LGR6: variants seen among roughly 807,000 people sequenced by gnomAD.
The protein encoded by LGR6 is leucine rich repeat containing G protein-coupled receptor 6.
Under a neutral mutation model 69.4 loss-of-function variants are expected in LGR6, and 45 were observed. The observed-to-expected ratio is 0.65, with a 90% CI of 0.51 to 0.83. LGR6 has a LOEUF of 0.83. Ranked by LOEUF, LGR6 falls within the 40% of genes least tolerant of loss-of-function variation. LGR6 has a pLI of 0.00. For missense variants in LGR6, 1,108 were observed against 1,246.7 expected (o/e 0.89, Z 1.68); for synonymous variants, 538 against 555.0 (o/e 0.97, Z 0.43).
rs754397387 is a variant in LGR6, at chr1:202,303,267, C to T, written c.930-12C>T. ...GACCCCACCCCTCAGAGCTCATTGT[C>T]TCTATTTCCAGATCTCTGAATGGTG... is the stretch of plus-strand genomic sequence containing the variant. On this transcript the variant is annotated splice_polypyrimidine_tract_variant and intron_variant, in intron 9 of 17. Coordinates refer to ENST00000367278, the MANE Select transcript of LGR6 (RefSeq NM_001017403.2). The T allele has an allele frequency of 1.9e-6, 3 of 1,609,246 alleles. No homozygotes were observed. The Admixed American group carries it at 5.0e-5, about 27-fold the overall frequency.
At chr1:202,300,792 C>T in intron 7 of LGR6, 57 bp from the exon 8 acceptor site, 1 of 1,289,356 alleles carries the variant, frequency 7.8e-7, no homozygotes, top group South Asian at 1.4e-5. Context: ...AATTCCATGC[C>T]TCTCCCTCTC....
chr1:202,278,295 A>T (rs1480824531), intron 5 of LGR6, among the ~76,000 whole-genome samples: 2 of 151,916 alleles, frequency 1.3e-5, no homozygotes, highest in Non-Finnish European at 2.9e-5. Flanking sequence ...GGAAGAATTG[A>T]CCTGATTGAG....
At chr1:202,240,056 T>C (rs531964245) in intron 4 of LGR6, among the ~76,000 whole-genome samples, 5 of 151,832 alleles carry the variant, frequency 3.3e-5, no homozygotes, top group African/African-American at 1.2e-4. Flanking sequence ...TCAGCAAGAG[T>C]CTGGCACGTG....
At chr1:202,259,092 A>G (rs1422993516) in intron 4 of LGR6, among the ~76,000 whole-genome samples, 1 of 152,120 alleles carries the variant, frequency 6.6e-6, no homozygotes, top group Non-Finnish European at 1.5e-5. Context: ...TATTATTTTA[A>G]CATCACAGTA....
Position 202,307,316 on chromosome 1 carries a change from C to T in LGR6, c.1209-14C>T, listed in dbSNP as rs370422687. On this transcript the variant is annotated splice_polypyrimidine_tract_variant and intron_variant, in intron 13 of 17. Transcript: ENST00000367278. ...TGTTACTGTCCCCTCCTGTCACACC[C>T]TCTCTGCCTGCAGGGATCTTAGCTG... 6.3e-5 allele frequency: 102 copies of T among 1,613,716 alleles called. 2 individuals are homozygous for T. In the African/African-American group the frequency reaches 1.2e-3, roughly 19 times the overall value.
chr1:202,202,796 G>A (rs373189295), intron 1 of LGR6, among the ~76,000 whole-genome samples: 2 of 152,164 alleles, frequency 1.3e-5, no homozygotes, highest in Non-Finnish European at 2.9e-5. Context: ...CCAGAGGGTC[G>A]GTCCTAGGAC....
At chr1:202,289,716 C>T in intron 6 of LGR6, among the ~76,000 whole-genome samples, 1 of 152,168 alleles carries the variant, frequency 6.6e-6, no homozygotes, top group East Asian at 1.9e-4. Flanking sequence ...TCATCTGCCC[C>T]AAGCACGTGG....
chr1:202,204,862 CCTCCAAACACACACA>C, intron 1 of LGR6, among the ~76,000 whole-genome samples: 1 of 4,706 alleles, frequency 2.1e-4, no homozygotes, highest in Non-Finnish European at 3.9e-4. Context: ...ACACACACAC[CCTCCAAACACACACA>C]CCTCCTTCAA....
Position 202,193,995 on chromosome 1 carries a change from C to T in LGR6, c.6C>T (p.Pro2=). The T allele has an allele frequency of 2.2e-6, 3 of 1,373,710 alleles. No homozygotes were observed. The highest frequency in any genetic ancestry group is 2.8e-6 in the Non-Finnish European group (3 of 1,065,756). 85.1% of individuals were successfully genotyped at this position (1,373,710 alleles called of 1,614,324 possible). A position where few individuals can be genotyped will look rare whatever the true frequency, so the allele number is the denominator to read the frequency against. The change falls in exon 1 of 18, where the codon CCC becomes CCT. Residue 2 remains proline (P), a synonymous_variant. Transcript: ENST00000367278. M[P]SPPGLRALWL... ...CCAGTAGCCCGACCGCCGAGATGCC[C>T]AGCCCGCCGGGGCTCCGGGCGCTAT...
chr1:202,253,795 ATTTTTTTTTTTTT>A (rs71141469), intron 4 of LGR6, among the ~76,000 whole-genome samples: 1 of 47,960 alleles, frequency 2.1e-5, no homozygotes, highest in African/African-American at 7.0e-5. Context: ...CGCCTGGCTA[ATTTTTTTTTTTTT>A]TTTTTTTTTT....
At position 202,309,081 on chromosome 1, in the gene LGR6, G is replaced by A. The variant is rs750504009; in HGVS notation, c.1311G>A (p.Leu437=). ...TGACAGACAACCAGCTGACCACACT[G>A]CCCCTGGCTGGACTTGGGGGCTTGA... is the stretch of plus-strand genomic sequence containing the variant. ...LDLTDNQLTT[L]PLAGLGGLMH... The change falls in exon 15 of 18, where the codon CTG becomes CTA. Residue 437 remains leucine (L), a synonymous_variant. Transcript: ENST00000367278. 3 of 1,614,122 alleles carry A rather than the reference G, an allele frequency of 1.9e-6. No individual in the cohort carries two copies. The highest frequency in any genetic ancestry group is 1.7e-6 in the Non-Finnish European group (2 of 1,179,990).
At chr1:202,229,437 G>A (rs1013673342) in intron 3 of LGR6, among the ~76,000 whole-genome samples, 5 of 152,210 alleles carry the variant, frequency 3.3e-5, no homozygotes, top group African/African-American at 1.2e-4. Context: ...AGTGCAGGCG[G>A]CCTACTTGGT....
At chr1:202,258,518 T>A (rs1358182692) in intron 4 of LGR6, among the ~76,000 whole-genome samples, 1 of 152,050 alleles carries the variant, frequency 6.6e-6, no homozygotes, top group African/African-American at 2.4e-5. Context: ...TTTTCATTAA[T>A]GACTCATTTC....
chr1:202,285,988 A>T (rs1391120918), intron 6 of LGR6, among the ~76,000 whole-genome samples: 1 of 151,508 alleles, frequency 6.6e-6, no homozygotes, highest in Non-Finnish European at 1.5e-5. Flanking sequence ...CCAATCTCTT[A>T]CTCTATCTTC....
intron 6 of LGR6, among the ~76,000 whole-genome samples, chr1:202,287,724 C>T (rs1048763740): frequency 2.0e-5 from 3 of 152,154 alleles, no homozygotes; most frequent in African/African-American, 7.2e-5. Flanking sequence ...TCTCACATCC[C>T]ACATCCAAGC....
intron 4 of LGR6, among the ~76,000 whole-genome samples, chr1:202,261,015 G>A (rs1664189188): frequency 6.6e-6 from 1 of 151,678 alleles, no homozygotes; most frequent in Non-Finnish European, 1.5e-5. Flanking sequence ...TTTCCACTTA[G>A]TTTGCTTGGG....
Position 202,193,910 on chromosome 1 carries a change from G to T in LGR6, c.-80G>T. 3.2e-6 allele frequency: 3 copies of T among 950,242 alleles called. No homozygotes were observed. The highest frequency in any genetic ancestry group is 5.8e-5 in the South Asian group (2 of 34,404). 58.9% of individuals were successfully genotyped at this position (950,242 alleles called of 1,614,324 possible). A position where few individuals can be genotyped will look rare whatever the true frequency, so the allele number is the denominator to read the frequency against. ...CCCCACCGACGGTGCAGCCCGCCGG[G>T]ACCGGGAGGAAGCAGCTGCGGCCAT... On this transcript the variant is annotated 5_prime_UTR_variant, in exon 1 of 18. Coordinates refer to ENST00000367278, the MANE Select transcript of LGR6 (RefSeq NM_001017403.2).
At chr1:202,309,320 C>A in intron 15 of LGR6, 144 bp downstream of exon 15, 1 of 909,470 alleles carries the variant, frequency 1.1e-6, no homozygotes, top group Non-Finnish European at 1.6e-6. Context: ...CACCTGACCA[C>A]CTACAGACCA....
chr1:202,225,350 G>C lies in LGR6; in HGVS notation c.213-73G>C, dbSNP rs539555137. 5.7e-6 allele frequency: 8 copies of C among 1,398,684 alleles called. No homozygotes were observed. In the East Asian group the frequency reaches 1.4e-4, roughly 24 times the overall value. 86.6% of individuals were successfully genotyped at this position (1,398,684 alleles called of 1,614,324 possible). ...GAGCCTCGGAGGTCCCTCGAGGGGG[G>C]TTGGCACCTGGACAGTGCCAGATGG... On this transcript the variant is annotated intron_variant, in intron 1 of 17. Transcript: ENST00000367278.
Sources: gnomAD v4.1 joint callset for allele counts (sites outside exome capture counted in the v4.1 genomes callset) on GRCh38, gnomAD v4.1.1 for gene constraint, MANE v1.5 for transcripts, NCBI Gene and HGNC (gene_info 2026-07-23, HGNC 2026-07-21) for gene names.